Variants in ZDHHC3 observed in about 807,000 individuals in gnomAD.
ZDHHC3 encodes palmitoyltransferase ZDHHC3.
ZDHHC3 carries 9 observed loss-of-function variants against 30.6 expected under a neutral mutation model. The observed-to-expected ratio is 0.29, with a 90% CI of 0.18 to 0.51. ZDHHC3 has a LOEUF of 0.51. Ranked by LOEUF, ZDHHC3 falls within the 20% of genes least tolerant of loss-of-function variation. The pLI is 0.97. For synonymous variants in ZDHHC3, 136 were observed against 140.2 expected (o/e 0.97, Z 0.21); for missense variants, 246 against 384.2 (o/e 0.64, Z 3.01).
chr3:44,921,381 GTC>G lies in ZDHHC3; in HGVS notation c.*5306_*5307del, dbSNP rs1272330492. On this transcript the variant is annotated 3_prime_UTR_variant, in exon 7 of 7. Coordinates refer to ENST00000424952, the MANE Select transcript of ZDHHC3 (RefSeq NM_001135179.2). ...TCTTCATAGCGGGCCAGATAACACT[GTC>G]TCTCCTCATCAGAGATTTCATACCT... is the stretch of plus-strand genomic sequence containing the variant. 2.0e-6 allele frequency: 2 copies of G among 985,180 alleles called. No individual in the cohort carries two copies. Among genetic ancestry groups the G allele is most frequent in the African/African-American group, 3.5e-5 (2 of 57,216 alleles). 61.0% of individuals were successfully genotyped at this position (985,180 alleles called of 1,614,324 possible).
chr3:44,973,748 G>A (rs1411895202), intron 1 of ZDHHC3, among the ~76,000 whole-genome samples: 1 of 152,172 alleles, frequency 6.6e-6, no homozygotes, highest in African/African-American at 2.4e-5. Flanking sequence ...GTCAGCCACC[G>A]CACCTAGCCT....
chr3:44,958,836 G>C (rs1259992593), intron 2 of ZDHHC3, among the ~76,000 whole-genome samples: 2 of 152,178 alleles, frequency 1.3e-5, no homozygotes, highest in Admixed American at 1.3e-4. Flanking sequence ...TTTAACCAGA[G>C]GCCAGGTTTC....
intron 5 of ZDHHC3, among the ~76,000 whole-genome samples, chr3:44,930,728 C>T (rs1297284483): frequency 6.6e-6 from 1 of 152,230 alleles, no homozygotes; most frequent in African/African-American, 2.4e-5. Flanking sequence ...CCTCAGGTTT[C>T]CCTGGGAACT....
intron 1 of ZDHHC3, among the ~76,000 whole-genome samples, chr3:44,963,776 C>G (rs1389334225): frequency 6.6e-6 from 1 of 152,202 alleles, no homozygotes; most frequent in African/African-American, 2.4e-5. Flanking sequence ...CCAGCACATG[C>G]TCTCAGAAGG....
intron 4 of ZDHHC3, chr3:44,933,563 T>G: frequency 1.9e-6 from 1 of 531,960 alleles, no homozygotes; most frequent in Non-Finnish European, 3.4e-6. Flanking sequence ...TTGCACTAAG[T>G]AGACTCCACC....
In ZDHHC3 at chr3:44,923,787, A is replaced by G. The variant is rs147773157; in HGVS notation, c.*2902T>C. The stretch of plus-strand genomic sequence containing the variant: ...CACTGCATTCCAGCCTGGGTGACAG[A>G]GCAAGACCTTGTCTCAAACAAAAAA... On this transcript the variant is annotated 3_prime_UTR_variant, in exon 7 of 7. Transcript: ENST00000424952. 1.0e-6 allele frequency: 1 copy of G among 984,318 alleles called. No individual in the cohort carries two copies. The highest frequency in any genetic ancestry group is 6.1e-5 in the Admixed American group (1 of 16,272). 61.0% of individuals were successfully genotyped at this position (984,318 alleles called of 1,614,324 possible).
chr3:44,937,387 G>A (rs763039238), intron 3 of ZDHHC3, among the ~76,000 whole-genome samples: 7 of 151,628 alleles, frequency 4.6e-5, no homozygotes, highest in Non-Finnish European at 8.8e-5. Context: ...GAGAGGAGAC[G>A]GCAGTGAGCT....
intron 3 of ZDHHC3, among the ~76,000 whole-genome samples, chr3:44,940,968 C>A (rs1375239521): frequency 2.0e-5 from 3 of 152,168 alleles, no homozygotes; most frequent in African/African-American, 7.2e-5. Context: ...GAGAAGTGTG[C>A]CTGCCCTGCT....
chr3:44,962,396 G>A (rs926176348), intron 1 of ZDHHC3, among the ~76,000 whole-genome samples: 3 of 152,036 alleles, frequency 2.0e-5, no homozygotes, highest in African/African-American at 7.3e-5. Context: ...GCCCTTCCAC[G>A]TAAGTAACTT....
At chr3:44,941,975 C>T (rs1319654650) in intron 3 of ZDHHC3, among the ~76,000 whole-genome samples, 1 of 152,150 alleles carries the variant, frequency 6.6e-6, no homozygotes, top group Non-Finnish European at 1.5e-5. Context: ...TTCCTATGAA[C>T]AGGAGATTTG....
chr3:44,968,791 G>T (rs775286869), intron 1 of ZDHHC3, among the ~76,000 whole-genome samples: 3 of 152,168 alleles, frequency 2.0e-5, no homozygotes, highest in Non-Finnish European at 4.4e-5. Flanking sequence ...CACTCATTGG[G>T]TTACCTCAAT....
chr3:44,958,868 G>C (rs1459679958), intron 2 of ZDHHC3, among the ~76,000 whole-genome samples: 2 of 152,172 alleles, frequency 1.3e-5, no homozygotes, highest in African/African-American at 4.8e-5. Context: ...ACCCCTCCCA[G>C]AGCAGGCCCA....
intron 3 of ZDHHC3, among the ~76,000 whole-genome samples, chr3:44,942,327 C>T (rs1208145472): frequency 6.6e-5 from 10 of 152,226 alleles, no homozygotes; most frequent in East Asian, 1.9e-4. Context: ...TGGGCCACCA[C>T]GCACCATCAC....
intron 1 of ZDHHC3, among the ~76,000 whole-genome samples, chr3:44,969,419 C>T (rs979395821): frequency 7.2e-5 from 11 of 152,126 alleles, no homozygotes; most frequent in Non-Finnish European, 1.0e-4. Context: ...CTTTTAGAAA[C>T]GAGAAAACTG....
intron 5 of ZDHHC3, among the ~76,000 whole-genome samples, chr3:44,931,138 AAAGG>A: frequency 6.6e-6 from 1 of 152,324 alleles, no homozygotes; most frequent in South Asian, 2.1e-4. Flanking sequence ...CCTGACAACA[AAAGG>A]ATCTGGGCAA....
chr3:44,924,242 C>T lies in ZDHHC3; in HGVS notation c.*2447G>A. ...AAATACTGAGGAGAGCTCAGGGATG[C>T]TTTCCCTTCCTGTCCTGTGTGGAAG... On this transcript the variant is annotated 3_prime_UTR_variant, in exon 7 of 7. Coordinates refer to ENST00000424952, the MANE Select transcript of ZDHHC3 (RefSeq NM_001135179.2). The T allele has an allele frequency of 3.0e-6, 3 of 985,470 alleles. No homozygotes were observed. The highest frequency in any genetic ancestry group is 3.6e-6 in the Non-Finnish European group (3 of 829,936). The allele number at this position is 985,470 out of a possible 1,614,324, so 61.0% of individuals were successfully genotyped here.
rs1241202049 is a variant in ZDHHC3, at chr3:44,918,115, T to G, written c.*8574A>C. On this transcript the variant is annotated 3_prime_UTR_variant, in exon 7 of 7. Coordinates refer to ENST00000424952, the MANE Select transcript of ZDHHC3 (RefSeq NM_001135179.2). ...CCAGCTCCCCATGTGCTCCCTGGGC[T>G]GGTTCTTTCGTTTGAGGCGCTCGAT... The G allele has an allele frequency of 7.7e-7, 1 of 1,305,216 alleles. No individual in the cohort carries two copies. Among genetic ancestry groups the G allele is most frequent in the Admixed American group, 2.3e-5 (1 of 43,570 alleles). The allele number at this position is 1,305,216 out of a possible 1,614,324, so 80.9% of individuals were successfully genotyped here.
chr3:44,975,772 TCACACACACACACACACACACA>T (rs1185484134), intron 1 of ZDHHC3, among the ~76,000 whole-genome samples, 139 bp downstream of exon 1: 1 of 116,704 alleles, frequency 8.6e-6, no homozygotes, highest in Admixed American at 8.3e-5. Flanking sequence ...TCTCTCTCTC[TCACACACACACACACACACACA>T]CACACACACA....
In ZDHHC3 at chr3:44,923,793, A is replaced by C; in HGVS notation, c.*2896T>G. 5 of 985,042 alleles carry C rather than the reference A, an allele frequency of 5.1e-6. No individual in the cohort carries two copies. Among genetic ancestry groups the C allele is most frequent in the Non-Finnish European group, 6.0e-6 (5 of 829,572 alleles). 61.0% of individuals were successfully genotyped at this position (985,042 alleles called of 1,614,324 possible). ...ATTCCAGCCTGGGTGACAGAGCAAGACCTTGTCTCAAACAAAAAAGAGGAA... is the reference window on the plus strand; with the variant it reads ...ATTCCAGCCTGGGTGACAGAGCAAGCCCTTGTCTCAAACAAAAAAGAGGAA... On this transcript the variant is annotated 3_prime_UTR_variant, in exon 7 of 7. Coordinates refer to ENST00000424952, the MANE Select transcript of ZDHHC3 (RefSeq NM_001135179.2).
Sources: gnomAD v4.1 joint callset for allele counts (sites outside exome capture counted in the v4.1 genomes callset) on GRCh38, gnomAD v4.1.1 for gene constraint, MANE v1.5 for transcripts, NCBI Gene and HGNC (gene_info 2026-07-23, HGNC 2026-07-21) for gene names.